The following STAU1 variants were observed in gnomAD, a reference collection of about 807,000 sequenced individuals.
STAU1 encodes the protein staufen double-stranded RNA binding protein 1.
STAU1 carries 13 observed loss-of-function variants against 62.9 expected under a neutral mutation model. The observed-to-expected ratio is 0.21, with a 90% confidence interval of 0.13 to 0.33. The LOEUF (loss-of-function observed/expected upper bound fraction) is 0.33. STAU1 is among the 10% of genes least tolerant of loss of function. The pLI is 1.00. For missense variants in STAU1, 571 were observed against 712.1 expected, an observed-to-expected ratio of 0.80 and a Z score of 2.25; for synonymous variants, 269 against 265.1, an observed-to-expected ratio of 1.01 and a Z score of -0.14.
At chr20:49,153,836 C>T (rs757939219) in intron 4 of STAU1, 97 bp downstream of exon 4, 14 of 1,263,568 alleles carry the variant, frequency 1.1e-5, no homozygotes, top group Middle Eastern at 2.2e-4. Context: ...CAAACCAAAT[C>T]ATTACTCCCT....
At chr20:49,133,839 A>C (rs1568849437) in intron 6 of STAU1, among the ~76,000 whole-genome samples, 1 of 152,130 alleles carries the variant, frequency 6.6e-6, no homozygotes, top group Non-Finnish European at 1.5e-5. Context: ...CCTGGCAACT[A>C]CAATCCCACC....
chr20:49,143,857 A>G (rs1436276116), intron 5 of STAU1, among the ~76,000 whole-genome samples: 1 of 152,176 alleles, frequency 6.6e-6, no homozygotes, highest in Non-Finnish European at 1.5e-5. Flanking sequence ...TATATACCTG[A>G]AAAAAAGCAA....
chr20:49,126,136 T>G (rs1187368870), intron 6 of STAU1, among the ~76,000 whole-genome samples: 1 of 151,874 alleles, frequency 6.6e-6, no homozygotes, highest in Non-Finnish European at 1.5e-5. Flanking sequence ...GACTTTGGGT[T>G]TGGCAATTGG....
intron 3 of STAU1, among the ~76,000 whole-genome samples, chr20:49,162,266 A>G (rs568932754): frequency 6.6e-6 from 1 of 152,372 alleles, no homozygotes; most frequent in East Asian, 1.9e-4. Context: ...TTTGGACACC[A>G]GAATTCATTA....
intron 2 of STAU1, among the ~76,000 whole-genome samples, chr20:49,169,020 C>T (rs756465923): frequency 4.6e-5 from 7 of 151,360 alleles, no homozygotes; most frequent in Non-Finnish European, 7.4e-5. Flanking sequence ...GTGTGATCTC[C>T]GCTCACTGCA....
intron 3 of STAU1, among the ~76,000 whole-genome samples, chr20:49,161,796 A>C (rs2093452425): frequency 6.6e-6 from 1 of 152,244 alleles, no homozygotes; most frequent in Non-Finnish European, 1.5e-5. Flanking sequence ...AAATGTAGGC[A>C]GCCATGATAC....
chr20:49,198,690 A>G, the STAU1 span, among the ~76,000 whole-genome samples: 92,436 of 151,198 alleles, frequency 0.61, 30,771 homozygotes, highest in East Asian at 0.87. Context: ...ATGGCCAGGC[A>G]CTGTGGCTCC....
rs2092359118 is a variant in STAU1, at chr20:49,117,622, C to A, written c.1509+155G>T. ...CTTACCACATATGCTTACAATACTTCTATACCTCCTACCCTTCCATCACTG... is the reference window on the plus strand; with the variant it reads ...CTTACCACATATGCTTACAATACTTATATACCTCCTACCCTTCCATCACTG... On this transcript the variant is annotated intron_variant, in intron 11 of 13. Coordinates refer to ENST00000371856, the MANE Select transcript of STAU1 (RefSeq NM_017453.4). The surrounding 1 kb of genome is among the most constrained non-coding windows in gnomAD (Gnocchi z 4.6). Among the ~76,000 whole-genome samples, 1 of 152,334 alleles carries A rather than the reference C, an allele frequency of 6.6e-6. No homozygotes were observed. Among genetic ancestry groups the A allele is most frequent in the Non-Finnish European group, 1.5e-5 (1 of 68,032 alleles).
the STAU1 span, among the ~76,000 whole-genome samples, chr20:49,217,956 T>C: frequency 6.6e-6 from 1 of 150,936 alleles, no homozygotes; most frequent in Non-Finnish European, 1.5e-5. Context: ...TCACCGCAAC[T>C]TCCGCCTCCT....
At chr20:49,134,455 G>C in intron 6 of STAU1, 1 of 600,668 alleles carries the variant, frequency 1.7e-6, no homozygotes, top group Non-Finnish European at 2.9e-6. Flanking sequence ...AAAAAGCTCT[G>C]GGTTGAAACC....
the STAU1 span, chr20:49,210,518 A>G: frequency 4.4e-6 from 2 of 455,712 alleles, no homozygotes; most frequent in South Asian, 3.1e-5. Flanking sequence ...GGTGGGGGAA[A>G]ATTCTACATC....
At chr20:49,157,629 A>G (rs11698902) in intron 3 of STAU1, among the ~76,000 whole-genome samples, 60,033 of 151,748 alleles carry the variant, frequency 0.4, 11,880 homozygotes, top group Middle Eastern at 0.49. Flanking sequence ...ACAGGCATGC[A>G]CCACCACGCC....
chr20:49,138,975 A>G (rs2092949876), intron 5 of STAU1, among the ~76,000 whole-genome samples: 1 of 152,070 alleles, frequency 6.6e-6, no homozygotes, highest in Non-Finnish European at 1.5e-5. Context: ...AGTTAAATAG[A>G]TATTAAACTT....
chr20:49,202,516 A>G, the STAU1 span, among the ~76,000 whole-genome samples: 8 of 151,608 alleles, frequency 5.3e-5, no homozygotes, highest in African/African-American at 1.7e-4. Flanking sequence ...GTGAGCCAAG[A>G]TCACACCACT....
At chr20:49,181,522 T>G (rs1359277491) in intron 1 of STAU1, among the ~76,000 whole-genome samples, 2 of 152,068 alleles carry the variant, frequency 1.3e-5, no homozygotes, top group African/African-American at 4.8e-5. Context: ...CCTATCACTT[T>G]GCGAGGCTAA....
the STAU1 span, among the ~76,000 whole-genome samples, chr20:49,209,200 G>A: frequency 1.6e-3 from 236 of 151,118 alleles, no homozygotes; most frequent in African/African-American, 5.3e-3. Context: ...CTTCCAAAGC[G>A]CTGGGATTAT....
the STAU1 span, among the ~76,000 whole-genome samples, chr20:49,217,167 C>A: frequency 6.6e-6 from 1 of 151,972 alleles, no homozygotes; most frequent in South Asian, 2.1e-4. Context: ...CACTCCCCGG[C>A]GCTGCCAAAT....
intron 1 of STAU1, among the ~76,000 whole-genome samples, chr20:49,178,479 T>G (rs2093685700): frequency 6.6e-6 from 1 of 152,136 alleles, no homozygotes; most frequent in African/African-American, 2.4e-5. Context: ...GCCGGCGCAG[T>G]GACTCACACC....
chr20:49,192,056 A>G (rs2093832031), upstream of STAU1, among the ~76,000 whole-genome samples: 1 of 151,294 alleles, frequency 6.6e-6, no homozygotes, highest in East Asian at 1.9e-4. Context: ...ATCTCAAAAA[A>G]CAAAATGAGG....
Sources: allele counts gnomAD v4.1 joint callset (sites outside exome capture counted in the v4.1 genomes callset), GRCh38; gene constraint gnomAD v4.1.1; non-coding constraint Gnocchi (gnomAD v3.1); transcripts MANE v1.5; gene names NCBI Gene and HGNC (gene_info 2026-07-23, HGNC 2026-07-21).